STOX1: variants seen among roughly 807,000 people sequenced by gnomAD.
STOX1 encodes the protein storkhead-box protein 1.
STOX1 carries 57 observed loss-of-function variants against 74.8 expected under a neutral mutation model. That is an observed-to-expected ratio of 0.76 (90% CI 0.62 to 0.95). STOX1 has a LOEUF of 0.95. Ranked by LOEUF, STOX1 falls within the 40% of genes least tolerant of loss-of-function variation. STOX1 has a pLI of 0.00. For synonymous variants in STOX1, 375 were observed against 401.3 expected (o/e 0.93, Z 0.78); for missense variants, 1,010 against 1,117.0 (o/e 0.90, Z 1.37).
intron 1 of STOX1, among the ~76,000 whole-genome samples, chr10:68,843,930 C>A (rs1800786142): frequency 2.0e-5 from 3 of 152,144 alleles, no homozygotes; most frequent in Admixed American, 2.0e-4. Flanking sequence ...CCTGTAATCC[C>A]AGCACTTTGG....
intron 1 of STOX1, among the ~76,000 whole-genome samples, chr10:68,841,854 T>A (rs1484685573): frequency 6.6e-6 from 1 of 152,184 alleles, no homozygotes; most frequent in African/African-American, 2.4e-5. Flanking sequence ...TGGGAAACTC[T>A]GGGTCCCTTT....
chr10:68,863,443 A>G (rs1413019224), intron 1 of STOX1, among the ~76,000 whole-genome samples: 3 of 151,920 alleles, frequency 2.0e-5, no homozygotes, highest in Admixed American at 2.0e-4. Flanking sequence ...AAAAAAACAG[A>G]TGAGGAATGC....
chr10:68,834,230 G>C (rs1235031224), intron 1 of STOX1, among the ~76,000 whole-genome samples: 1 of 152,148 alleles, frequency 6.6e-6, no homozygotes, highest in African/African-American at 2.4e-5. Flanking sequence ...AAGTACTCTA[G>C]GAGTGTAGAG....
rs930356181 is a variant in STOX1 at position 68,886,633 on chromosome 10, A to C, written c.2822+15A>C. 1.2e-6 allele frequency: 2 copies of C among 1,612,964 alleles called. No homozygotes were observed. Among genetic ancestry groups the C allele is most frequent in the Non-Finnish European group, 1.7e-6 (2 of 1,179,596 alleles). The stretch of plus-strand genomic sequence containing the variant: ...GATTCTCCACGGTAGGTCCATACAA[A>C]AGTGTCTGATTTAGGCCGGGCGCAG... On this transcript the variant is annotated intron_variant, in intron 3 of 3. Coordinates refer to ENST00000298596, the MANE Select transcript of STOX1 (RefSeq NM_152709.5).
At chr10:68,889,284 A>G (rs1174786493) in intron 3 of STOX1, among the ~76,000 whole-genome samples, 1 of 151,904 alleles carries the variant, frequency 6.6e-6, no homozygotes, top group African/African-American at 2.4e-5. Context: ...AGGCTAATTA[A>G]AAAGTTTTTT....
At chr10:68,860,565 G>A (rs1463981040) in intron 1 of STOX1, among the ~76,000 whole-genome samples, 2 of 83,584 alleles carry the variant, frequency 2.4e-5, no homozygotes, top group African/African-American at 5.6e-5. Context: ...GTGAGACTCT[G>A]TCTCAAAAAA....
At chr10:68,848,060 C>G (rs1022776387) in intron 1 of STOX1, among the ~76,000 whole-genome samples, 4 of 152,186 alleles carry the variant, frequency 2.6e-5, no homozygotes, top group Non-Finnish European at 4.4e-5. Context: ...CTTCTCTTCT[C>G]CTGCCTCCAT....
chr10:68,834,828 G>A lies in STOX1; in HGVS notation c.310+6895G>A, dbSNP rs574306356. Among the ~76,000 whole-genome samples the A allele has an allele frequency of 8.0e-4, 121 of 151,760 alleles. 1 individual carries two copies. Among genetic ancestry groups the A allele is most frequent in the Middle Eastern group, 3.4e-3 (1 of 292 alleles). ...CAACCTATGCCTCCCGGGTTCAAGC[G>A]ATTCTCCTGCCTTAGCGTCCCAAGT... On this transcript the variant is annotated intron_variant, in intron 1 of 3. Coordinates refer to ENST00000298596, the MANE Select transcript of STOX1 (RefSeq NM_152709.5).
intron 1 of STOX1, among the ~76,000 whole-genome samples, chr10:68,861,980 AAACT>A (rs1250991987): frequency 2.2e-5 from 3 of 138,650 alleles, no homozygotes; most frequent in Non-Finnish European, 3.1e-5. Context: ...TGTATATTCC[AAACT>A]AACTATCTCC....
intron 3 of STOX1, among the ~76,000 whole-genome samples, chr10:68,887,774 T>A (rs929013417): frequency 6.6e-6 from 1 of 151,326 alleles, no homozygotes; most frequent in South Asian, 2.1e-4. Flanking sequence ...TTGTATTTTT[T>A]AGTAGAGACG....
intron 1 of STOX1, among the ~76,000 whole-genome samples, chr10:68,869,599 C>G (rs1297985643): frequency 1.3e-5 from 2 of 152,122 alleles, no homozygotes; most frequent in African/African-American, 4.8e-5. Context: ...TGGACAGATA[C>G]TGACTATTCA....
chr10:68,884,283 A>T lies in STOX1; in HGVS notation c.487A>T (p.Ile163Phe). The change falls in exon 3 of 4, where the codon ATT becomes TTT. Residue 163 changes from isoleucine to phenylalanine, a missense_variant. Ile to Phe is a conservative substitution (Grantham distance 21). Transcript: ENST00000298596. The stretch of plus-strand genomic sequence containing the variant: ...AGGCATTGCAATTCCATCGGAAGAT[A>T]TTCTTTATACCACTCTGGGAACGCT... Reference protein sequence around the residue: ...YPGIAIPSEDILYTTLGTLIK... With the variant: ...YPGIAIPSEDFLYTTLGTLIK... The T allele has an allele frequency of 6.2e-7, 1 of 1,614,182 alleles. No individual in the cohort carries two copies. The highest frequency in any genetic ancestry group is 8.5e-7 in the Non-Finnish European group (1 of 1,180,030).
chr10:68,836,563 G>A (rs77397934), intron 1 of STOX1, among the ~76,000 whole-genome samples: 27 of 152,326 alleles, frequency 1.8e-4, no homozygotes, highest in African/African-American at 6.3e-4. Context: ...ACAGCCGTGT[G>A]TTGTCCTGTG....
chr10:68,871,004 G>T (rs969054474), intron 1 of STOX1, among the ~76,000 whole-genome samples: 10 of 152,192 alleles, frequency 6.6e-5, no homozygotes, highest in African/African-American at 2.4e-4. Flanking sequence ...TGCTGTAATT[G>T]ATTTTGACAG....
chr10:68,860,569 CAAAAAAAA>C (rs11353333), intron 1 of STOX1, among the ~76,000 whole-genome samples: 4 of 63,588 alleles, frequency 6.3e-5, no homozygotes, highest in African/African-American at 1.9e-4. Context: ...GACTCTGTCT[CAAAAAAAA>C]AAAAAAAAAA....
intron 1 of STOX1, among the ~76,000 whole-genome samples, chr10:68,855,544 TC>T (rs1466237124): frequency 6.6e-6 from 1 of 151,954 alleles, no homozygotes; most frequent in Admixed American, 6.6e-5. Flanking sequence ...GCTTAAGCGA[TC>T]CTCCCGCCTC....
At chr10:68,857,823 A>T (rs945182756) in intron 1 of STOX1, among the ~76,000 whole-genome samples, 1 of 151,898 alleles carries the variant, frequency 6.6e-6, no homozygotes, top group African/African-American at 2.4e-5. Context: ...TGGGAAAGGG[A>T]GGAGGTGGCC....
intron 1 of STOX1, among the ~76,000 whole-genome samples, chr10:68,865,449 A>G (rs1840381401): frequency 6.6e-6 from 1 of 151,758 alleles, no homozygotes. Flanking sequence ...GGAGATTGAG[A>G]CCATCCTGGC....
intron 1 of STOX1, among the ~76,000 whole-genome samples, chr10:68,868,496 A>T (rs976471721): frequency 6.6e-6 from 1 of 152,086 alleles, no homozygotes; most frequent in East Asian, 1.9e-4. Flanking sequence ...TAAACCAGCA[A>T]CCTCCAGCGT....
Sources: allele counts gnomAD v4.1 joint callset (sites outside exome capture counted in the v4.1 genomes callset), GRCh38; gene constraint gnomAD v4.1.1; transcripts MANE v1.5; gene names NCBI Gene and HGNC (gene_info 2026-07-23, HGNC 2026-07-21).